The following GUCY1A2 variants were observed in gnomAD, a reference collection of about 807,000 sequenced individuals.
GUCY1A2 encodes guanylate cyclase 1 soluble subunit alpha 2.
GUCY1A2 carries 27 observed loss-of-function variants against 63.5 expected under a neutral mutation model. The observed-to-expected ratio is 0.43, with a 90% CI of 0.31 to 0.59. The LOEUF is 0.59. Ranked by LOEUF, GUCY1A2 falls within the 20% of genes least tolerant of loss-of-function variation. The pLI, the probability that GUCY1A2 is intolerant of heterozygous loss-of-function variation, is 0.11. For missense variants in GUCY1A2, 768 were observed against 913.3 expected, an observed-to-expected ratio of 0.84 and a Z score of 2.05; for synonymous variants, 364 against 343.5, an observed-to-expected ratio of 1.06 and a Z score of -0.66.
At chr11:106,733,801 A>G (rs1863543337) in intron 6 of GUCY1A2, among the ~76,000 whole-genome samples, 1 of 152,108 alleles carries the variant, frequency 6.6e-6, no homozygotes, top group African/African-American at 2.4e-5. Flanking sequence ...AGGCCAGGAG[A>G]AGGAACCTTG....
At chr11:106,923,332 G>A (rs188307358) in intron 4 of GUCY1A2, among the ~76,000 whole-genome samples, 48 of 152,222 alleles carry the variant, frequency 3.2e-4, no homozygotes, top group African/African-American at 8.7e-4. Context: ...TAGATCGCTC[G>A]CTTAGCAAAC....
intron 4 of GUCY1A2, among the ~76,000 whole-genome samples, chr11:106,854,289 G>A (rs779611476): frequency 2.0e-5 from 3 of 152,312 alleles, no homozygotes; most frequent in Middle Eastern, 3.4e-3. Context: ...TGTAGGCTGG[G>A]CAGACCAGTC....
chr11:106,944,865 G>A (rs146272401), intron 3 of GUCY1A2, among the ~76,000 whole-genome samples: 15 of 152,122 alleles, frequency 9.9e-5, no homozygotes, highest in Admixed American at 3.3e-4. Flanking sequence ...GCACATGTCC[G>A]TGTCTTTCTT....
chr11:106,784,448 T>G (rs1378933365), intron 5 of GUCY1A2, among the ~76,000 whole-genome samples: 4 of 152,028 alleles, frequency 2.6e-5, no homozygotes. Context: ...TCCCTAGCTC[T>G]AGAGGAGGGA....
At chr11:106,826,631 G>A (rs1858974499) in intron 4 of GUCY1A2, 12 of 1,605,304 alleles carry the variant, frequency 7.5e-6, no homozygotes, top group Non-Finnish European at 1.0e-5. Context: ...TATTTTCCCA[G>A]CAGTACAACC....
At chr11:106,780,843 A>G (rs1254917608) in intron 5 of GUCY1A2, among the ~76,000 whole-genome samples, 1 of 152,142 alleles carries the variant, frequency 6.6e-6, no homozygotes. Flanking sequence ...CGGCACCTTA[A>G]GAATATTGGC....
At chr11:106,942,092 CAG>C (rs1565338605) in intron 3 of GUCY1A2, among the ~76,000 whole-genome samples, 2 of 150,740 alleles carry the variant, frequency 1.3e-5, no homozygotes, top group Non-Finnish European at 3.0e-5. Context: ...AAAACAAAGA[CAG>C]ACAATATTCA....
chr11:106,683,105 A>C lies in GUCY1A2; in HGVS notation c.*4444T>G. The stretch of plus-strand genomic sequence containing the variant: ...AGCTGGTTGTGGTTTAGGAACATTC[A>C]TATCAAGAGCTGCCCATAAATCGTT... On this transcript the variant is annotated 3_prime_UTR_variant, in exon 8 of 8. Transcript: ENST00000526355. The C allele has an allele frequency of 4.6e-6, 1 of 217,434 alleles. No individual in the cohort carries two copies. Among genetic ancestry groups the C allele is most frequent in the Non-Finnish European group, 9.3e-6 (1 of 108,040 alleles). The allele number at this position is 217,434 out of a possible 1,614,324, so 13.5% of individuals were successfully genotyped here.
At chr11:106,932,200 C>G (rs1262442118) in intron 4 of GUCY1A2, among the ~76,000 whole-genome samples, 10 of 151,982 alleles carry the variant, frequency 6.6e-5, no homozygotes, top group Admixed American at 6.6e-4. Context: ...TAGGAGGTAC[C>G]TCCTGTTATG....
chr11:106,936,396 C>T (rs755993124), intron 4 of GUCY1A2, among the ~76,000 whole-genome samples: 4 of 151,716 alleles, frequency 2.6e-5, no homozygotes, highest in Non-Finnish European at 4.4e-5. Flanking sequence ...ATTCTCTACA[C>T]TGAATCTGTT....
chr11:106,914,712 T>C (rs1001882467), intron 4 of GUCY1A2, among the ~76,000 whole-genome samples: 2 of 151,700 alleles, frequency 1.3e-5, no homozygotes, highest in Admixed American at 6.6e-5. Context: ...AAAGATAATA[T>C]TTTAAAAATT....
rs780080531 is a variant in GUCY1A2, at chr11:107,018,102, G to A, written c.-47C>T. ...GCCGAGGCGGTGGCGGCGAGGACGC[G>A]AGCGGCGGCGGAGGCGGCGGTGGCG... On this transcript the variant is annotated 5_prime_UTR_variant, in exon 1 of 8. Coordinates refer to ENST00000526355, the MANE Select transcript of GUCY1A2 (RefSeq NM_000855.3). 2.3e-6 allele frequency: 3 copies of A among 1,288,146 alleles called. No individual in the cohort carries two copies. The highest frequency in any genetic ancestry group is 1.8e-5 in the South Asian group (1 of 57,072). 79.8% of individuals were successfully genotyped at this position (1,288,146 alleles called of 1,614,324 possible).
At chr11:106,765,722 A>T (rs1864151008) in intron 6 of GUCY1A2, among the ~76,000 whole-genome samples, 1 of 152,118 alleles carries the variant, frequency 6.6e-6, no homozygotes, top group African/African-American at 2.4e-5. Context: ...TTTGACCATC[A>T]AAATTACTCT....
At chr11:106,827,949 C>G (rs1858996323) in intron 4 of GUCY1A2, 1 of 1,058,980 alleles carries the variant, frequency 9.4e-7, no homozygotes, top group African/African-American at 1.6e-5. Flanking sequence ...ACTCTGGACT[C>G]CAGGAGAGGA....
chr11:106,733,295 TTA>T (rs1394734411), intron 6 of GUCY1A2, among the ~76,000 whole-genome samples: 1 of 151,248 alleles, frequency 6.6e-6, no homozygotes, highest in African/African-American at 2.4e-5. Flanking sequence ...TAAAATGTAT[TTA>T]TTATGAGTTG....
At position 106,745,111 on chromosome 11, in the gene GUCY1A2, G is replaced by T. The variant is rs759066333; in HGVS notation, c.1836+31328C>A. Among the ~76,000 whole-genome samples the T allele has an allele frequency of 5.7e-4, 87 of 152,116 alleles. 2 individuals are homozygous for T. Among genetic ancestry groups the T allele is most frequent in the Non-Finnish European group, 3.7e-4 (25 of 68,022 alleles). The stretch of plus-strand genomic sequence containing the variant: ...TGAGTTAACAAAGTACAGAAAAAAG[G>T]AAAGGATTGAACGATTTGCCATGGT... On this transcript the variant is annotated intron_variant, in intron 6 of 7. Transcript: ENST00000526355.
At chr11:106,908,982 G>C (rs1248247125) in intron 4 of GUCY1A2, among the ~76,000 whole-genome samples, 1 of 151,856 alleles carries the variant, frequency 6.6e-6, no homozygotes, top group African/African-American at 2.4e-5. Context: ...AGTAAAAGAA[G>C]AAAATTTGGG....
At chr11:106,803,909 T>C (rs1460284801) in intron 5 of GUCY1A2, among the ~76,000 whole-genome samples, 1 of 152,214 alleles carries the variant, frequency 6.6e-6, no homozygotes, top group Non-Finnish European at 1.5e-5. Context: ...TAAATGAGGT[T>C]AAACCCTCTT....
rs1382056909 is a variant in GUCY1A2 at position 106,693,439 on chromosome 11, TTAA to T, written c.1992-5686_1992-5684del. Reference sequence around the variant, plus strand: ...CTTTCTATCTCTGGTATTGTGAAAATTAATAATAATATGGCTAAGTGCATCTTT... The same window carrying T: ...CTTTCTATCTCTGGTATTGTGAAAATTAATAATATGGCTAAGTGCATCTTT... On this transcript the variant is annotated intron_variant, in intron 7 of 7. Coordinates refer to ENST00000526355, the MANE Select transcript of GUCY1A2 (RefSeq NM_000855.3). 2.6e-5 allele frequency among the ~76,000 whole-genome samples: 4 copies of T among 152,130 alleles called. No homozygotes were observed. The East Asian group carries it at 7.7e-4, about 29-fold the overall frequency.
Sources: allele counts gnomAD v4.1 joint callset (sites outside exome capture counted in the v4.1 genomes callset), GRCh38; gene constraint gnomAD v4.1.1; transcripts MANE v1.5; gene names NCBI Gene and HGNC (gene_info 2026-07-23, HGNC 2026-07-21).